Variants in UPP2 observed in about 807,000 individuals in gnomAD.
UPP2 encodes the protein uridine phosphorylase 2.
Under a neutral mutation model 26.7 loss-of-function variants are expected in UPP2, and 23 were observed. That is an observed-to-expected ratio of 0.86 (90% CI 0.62 to 1.22). UPP2 has a LOEUF of 1.22. Ranked by LOEUF, UPP2 falls within the 50% of genes most tolerant of loss-of-function variation. The pLI, the probability that UPP2 is intolerant of heterozygous loss-of-function variation, is 0.00. For synonymous variants in UPP2, 127 were observed against 141.3 expected, an observed-to-expected ratio of 0.90 and a Z score of 0.72; for missense variants, 387 against 396.7, an observed-to-expected ratio of 0.98 and a Z score of 0.21.
intron 3 of UPP2, among the ~76,000 whole-genome samples, chr2:158,066,316 G>T (rs1044243018): frequency 2.0e-5 from 3 of 152,176 alleles, no homozygotes; most frequent in African/African-American, 7.2e-5. Flanking sequence ...CCTGTCGTTT[G>T]TACCAACTGA....
At chr2:158,012,263 CTTTTTTTTTTTT>C (rs34807293) in intron 2 of UPP2, among the ~76,000 whole-genome samples, 4,148 of 81,942 alleles carry the variant, frequency 0.051, 114 homozygotes, top group Middle Eastern at 0.11. Context: ...TTGTTTCTAC[CTTTTTTTTTTTT>C]TTTTTTTTTT....
At chr2:158,055,313 A>G (rs1377467496) in intron 3 of UPP2, among the ~76,000 whole-genome samples, 2 of 152,172 alleles carry the variant, frequency 1.3e-5, no homozygotes, top group Non-Finnish European at 2.9e-5. Context: ...CCATTAGTCC[A>G]TGAATGGATT....
rs373277826 is a variant in UPP2, at chr2:158,115,917, T to C, written c.339+658T>C. The stretch of plus-strand genomic sequence containing the variant: ...TGCACAGGGCTGTATTCTGAAGCAA[T>C]AACTCTGAAGCCATCACATTTCTGG... On this transcript the variant is annotated intron_variant, in intron 3 of 6. Transcript: ENST00000005756. Among the ~76,000 whole-genome samples, 5 of 152,286 alleles carry C rather than the reference T, an allele frequency of 3.3e-5. No individual in the cohort carries two copies. The South Asian group carries it at 8.3e-4, about 25-fold the overall frequency.
intron 3 of UPP2, among the ~76,000 whole-genome samples, chr2:158,072,463 C>A (rs182595935): frequency 6.6e-6 from 1 of 152,254 alleles, no homozygotes; most frequent in Non-Finnish European, 1.5e-5. Context: ...GACTGTAGAA[C>A]CCTAGGGCCT....
intron 3 of UPP2, among the ~76,000 whole-genome samples, chr2:158,117,211 T>C (rs763390757): frequency 1.8e-4 from 28 of 151,848 alleles, no homozygotes; most frequent in Non-Finnish European, 4.0e-4. Context: ...TCTGGTGACA[T>C]TGATTCCACT....
intron 3 of UPP2, 96 bp from the exon 4 acceptor site, chr2:158,117,728 A>C: frequency 2.2e-6 from 2 of 918,758 alleles, no homozygotes; most frequent in Non-Finnish European, 3.5e-6. Flanking sequence ...ATGTAAATGT[A>C]TCTGAGGCCT....
At chr2:158,056,619 G>C (rs1431111953) in intron 3 of UPP2, among the ~76,000 whole-genome samples, 1 of 152,092 alleles carries the variant, frequency 6.6e-6, no homozygotes, top group African/African-American at 2.4e-5. Context: ...GCAATCTTTG[G>C]TGTCCCAGGG....
At chr2:158,057,895 C>T (rs924486522) in intron 3 of UPP2, among the ~76,000 whole-genome samples, 3 of 151,946 alleles carry the variant, frequency 2.0e-5, no homozygotes, top group Admixed American at 1.3e-4. Context: ...GCCCTAAACT[C>T]CAATATGACT....
chr2:158,115,603 T>C (rs1220512182), intron 3 of UPP2, among the ~76,000 whole-genome samples: 75 of 152,194 alleles, frequency 4.9e-4, no homozygotes. Context: ...GAGCTTTTAG[T>C]ACACAGAGGC....
At chr2:158,004,098 G>C (rs1683450527) in intron 2 of UPP2, among the ~76,000 whole-genome samples, 1 of 152,068 alleles carries the variant, frequency 6.6e-6, no homozygotes, top group South Asian at 2.1e-4. Context: ...TATCCCATGG[G>C]AGAAAAGCTT....
rs1009122734 is a variant in UPP2 at position 158,053,070 on chromosome 2, C to T, written c.147+37184C>T. Among the ~76,000 whole-genome samples, 9 of 152,090 alleles carry T rather than the reference C, an allele frequency of 5.9e-5. No homozygotes were observed. The South Asian group carries it at 8.3e-4, about 14-fold the overall frequency. Reference sequence around the variant, plus strand: ...AGAAGAAAGGAGGTGCCCCTGGAACCGGTAGATAAGCTGGAGCACCTTTCT... The same window carrying T: ...AGAAGAAAGGAGGTGCCCCTGGAACTGGTAGATAAGCTGGAGCACCTTTCT... On this transcript the variant is annotated intron_variant, in intron 3 of 9. Coordinates refer to the UPP2 transcript ENST00000605860.
At chr2:158,076,493 T>C (rs987084996) in intron 3 of UPP2, among the ~76,000 whole-genome samples, 2 of 152,076 alleles carry the variant, frequency 1.3e-5, no homozygotes, top group South Asian at 2.1e-4. Flanking sequence ...GGATTTACCA[T>C]AGGGATGCAA....
intron 3 of UPP2, among the ~76,000 whole-genome samples, chr2:158,087,884 G>A (rs539468743): frequency 4.6e-5 from 7 of 152,104 alleles, no homozygotes; most frequent in African/African-American, 1.7e-4. Flanking sequence ...TCCTTTTTAG[G>A]CTACCTGATG....
At chr2:158,089,610 A>C (rs7577191) in intron 3 of UPP2, among the ~76,000 whole-genome samples, 118,668 of 152,162 alleles carry the variant, frequency 0.78, 47,482 homozygotes, top group African/African-American at 0.95. Flanking sequence ...CAGCCCTCCC[A>C]AAGGATCCCT....
intron 3 of UPP2, among the ~76,000 whole-genome samples, chr2:158,087,295 T>G (rs1300589561): frequency 1.3e-5 from 2 of 152,178 alleles, no homozygotes; most frequent in African/African-American, 4.8e-5. Context: ...TGGTCTGATA[T>G]AAGAATAGCT....
chr2:158,025,581 G>A (rs371494332), intron 3 of UPP2, among the ~76,000 whole-genome samples: 1 of 152,358 alleles, frequency 6.6e-6, no homozygotes, highest in East Asian at 1.9e-4. Flanking sequence ...CTGCCAGCCT[G>A]TGACCTCAAG....
At chr2:158,026,492 T>C (rs1683834980) in intron 3 of UPP2, among the ~76,000 whole-genome samples, 1 of 152,134 alleles carries the variant, frequency 6.6e-6, no homozygotes, top group Admixed American at 6.6e-5. Flanking sequence ...AGCGTCTCTC[T>C]AGGACTATAT....
intron 2 of UPP2, among the ~76,000 whole-genome samples, chr2:158,012,263 C>CTTTTTTTTTTTTTTTTTTTTTTTTTT (rs34807293): frequency 2.5e-5 from 2 of 81,586 alleles, no homozygotes; most frequent in Non-Finnish European, 2.3e-5. Context: ...TTGTTTCTAC[C>CTTTTTTTTTTTTTTTTTTTTTTTTTT]TTTTTTTTTT....
intron 3 of UPP2, among the ~76,000 whole-genome samples, chr2:158,072,207 C>T (rs560197891): frequency 6.6e-6 from 1 of 152,220 alleles, no homozygotes; most frequent in East Asian, 1.9e-4. Flanking sequence ...CCCTGCAAGC[C>T]AGTGGTGGTG....
Sources: gnomAD v4.1 joint callset for allele counts (sites outside exome capture counted in the v4.1 genomes callset) on GRCh38, gnomAD v4.1.1 for gene constraint, MANE v1.5 for transcripts, NCBI Gene and HGNC (gene_info 2026-07-23, HGNC 2026-07-21) for gene names.